PCDHA1: variants seen among roughly 807,000 people sequenced by gnomAD.
PCDHA1 encodes protocadherin alpha 1, also known as protocadherin alpha-1.
PCDHA1 carries 42 observed loss-of-function variants against 61.3 expected under a neutral mutation model. The ratio of observed to expected loss-of-function variants is 0.69; its 90% CI spans 0.54 to 0.89. The LOEUF is 0.89. PCDHA1 is among the 40% of genes least tolerant of loss of function. PCDHA1 has a pLI of 0.00. For synonymous variants in PCDHA1, 610 were observed against 553.8 expected (o/e 1.10, Z -1.43); for missense variants, 1,256 against 1,235.3 (o/e 1.02, Z -0.25).
chr5:140,912,381 A>G (rs1554195316), intron 1 of PCDHA1, among the ~76,000 whole-genome samples: 2 of 150,140 alleles, frequency 1.3e-5, no homozygotes, highest in African/African-American at 4.9e-5. Context: ...AAAGGGATTG[A>G]GTTCTTAATT....
At chr5:140,809,680 CT>C (rs1439058866) in intron 1 of PCDHA1, 58 of 1,338,236 alleles carry the variant, frequency 4.3e-5, no homozygotes, top group Non-Finnish European at 5.4e-5. Context: ...AATTTTACCT[CT>C]TTTTACATAT....
intron 1 of PCDHA1, chr5:140,857,288 C>A (rs782208845): frequency 2.5e-6 from 4 of 1,598,652 alleles, no homozygotes; most frequent in East Asian, 4.5e-5. Context: ...CGCTCTGGAC[C>A]GCGAGAGGGT....
chr5:140,807,707 C>T (rs1562211808), intron 1 of PCDHA1: 1 of 1,614,116 alleles, frequency 6.2e-7, no homozygotes, highest in Non-Finnish European at 8.5e-7. Context: ...CAGACTGAGC[C>T]CAAATGAATA....
At chr5:140,915,189 C>T (rs782151020) in intron 1 of PCDHA1, among the ~76,000 whole-genome samples, 21 of 152,010 alleles carry the variant, frequency 1.4e-4, no homozygotes, top group African/African-American at 4.1e-4. Context: ...CCTAGTGATC[C>T]GCCCATCTTG....
intron 1 of PCDHA1, among the ~76,000 whole-genome samples, chr5:140,921,791 A>G (rs1170709759): frequency 3.9e-5 from 6 of 152,160 alleles, no homozygotes; most frequent in Non-Finnish European, 5.9e-5. Context: ...GATGTTCTAG[A>G]TAACACAAGA....
intron 1 of PCDHA1, among the ~76,000 whole-genome samples, chr5:140,917,823 G>A (rs1167187844): frequency 6.6e-5 from 10 of 151,920 alleles, no homozygotes; most frequent in African/African-American, 1.9e-4. Context: ...AAGTTGGGTA[G>A]TGTGATGTCC....
intron 1 of PCDHA1, chr5:140,871,528 T>G: frequency 2.0e-6 from 3 of 1,530,602 alleles, no homozygotes; most frequent in Non-Finnish European, 2.6e-6. Context: ...TATCAGGAAG[T>G]GTATGTGAAA....
At chr5:140,909,961 A>G (rs1407330494) in intron 1 of PCDHA1, among the ~76,000 whole-genome samples, 2 of 152,206 alleles carry the variant, frequency 1.3e-5, no homozygotes, top group Non-Finnish European at 2.9e-5. Flanking sequence ...GTAGGTCTCC[A>G]TGGGGAAGGA....
At chr5:140,891,586 A>C (rs1296110221) in intron 1 of PCDHA1, among the ~76,000 whole-genome samples, 1 of 151,924 alleles carries the variant, frequency 6.6e-6, no homozygotes, top group Non-Finnish European at 1.5e-5. Flanking sequence ...TAATCTTATT[A>C]CTCTATCCCA....
At chr5:140,868,864 A>C (rs1554162257) in intron 1 of PCDHA1, 10 of 549,766 alleles carry the variant, frequency 1.8e-5, no homozygotes, top group Non-Finnish European at 1.8e-5. Context: ...TGGTAAATGC[A>C]GTGCACAGTA....
chr5:141,009,833 G>A lies in PCDHA1; in HGVS notation c.2749G>A (p.Gly917Ser), dbSNP rs782642898. The A allele has an allele frequency of 8.7e-6, 14 of 1,613,366 alleles. No homozygotes were observed. The highest frequency in any genetic ancestry group is 2.7e-5 in the African/African-American group (2 of 74,746). ...TGACAAAAGTGACTTCATAACCTTC[G>A]GCAAAAAGGAGGAGACCAAGAAAAA... ...QIDKSDFITF[G>S]KKEETKKKKK... Residue 917 changes from glycine (G) to serine (S), a missense_variant, in exon 4 of 4, where the codon GGC (glycine) becomes AGC (serine). Physicochemically the swap from Gly to Ser is moderately conservative, Grantham distance 56 (BLOSUM62 0). Coordinates refer to ENST00000504120, the MANE Select transcript of PCDHA1 (RefSeq NM_018900.4).
chr5:140,875,874 A>G (rs782173743), intron 1 of PCDHA1: 2 of 1,614,188 alleles, frequency 1.2e-6, no homozygotes, highest in East Asian at 4.5e-5. Context: ...CGGTGTTCAG[A>G]GAAAGGGAAC....
intron 1 of PCDHA1, among the ~76,000 whole-genome samples, chr5:140,838,217 A>C (rs1332894700): frequency 6.7e-6 from 1 of 150,262 alleles, no homozygotes; most frequent in Non-Finnish European, 1.5e-5. Context: ...TGGTACAAGC[A>C]GTTCTCATGC....
intron 1 of PCDHA1, chr5:140,808,253 T>C: frequency 1.2e-6 from 2 of 1,614,254 alleles, no homozygotes; most frequent in South Asian, 1.1e-5. Context: ...CAAGTCTTTA[T>C]CACTTCCAAT....
chr5:140,839,671 C>G (rs1194956449), intron 1 of PCDHA1, among the ~76,000 whole-genome samples: 1 of 152,028 alleles, frequency 6.6e-6, no homozygotes, highest in African/African-American at 2.4e-5. Context: ...TATTTAGAGT[C>G]AACTACAGAG....
At chr5:140,835,876 G>T in intron 1 of PCDHA1, 3 of 1,611,976 alleles carry the variant, frequency 1.9e-6, no homozygotes, top group Non-Finnish European at 2.5e-6. Flanking sequence ...GTGGAGCTGC[G>T]GGTGGGCGAG....
intron 1 of PCDHA1, among the ~76,000 whole-genome samples, chr5:140,951,992 A>G (rs1469467629): frequency 6.6e-6 from 1 of 152,212 alleles, no homozygotes; most frequent in Non-Finnish European, 1.5e-5. Flanking sequence ...AAAACCAGCC[A>G]AAAGAAAGAA....
intron 1 of PCDHA1, among the ~76,000 whole-genome samples, chr5:140,798,302 T>C (rs1443836025): frequency 6.6e-6 from 1 of 152,244 alleles, no homozygotes; most frequent in Non-Finnish European, 1.5e-5. Context: ...ATGTTTTTTA[T>C]AAGTAAAATA....
intron 1 of PCDHA1, chr5:140,928,280 C>T (rs781831365): frequency 6.2e-7 from 1 of 1,614,076 alleles, no homozygotes; most frequent in African/African-American, 1.3e-5. Context: ...CCTGGGGCCT[C>T]TCTAGGCCGA....
Sources: allele counts gnomAD v4.1 joint callset (sites outside exome capture counted in the v4.1 genomes callset), GRCh38; gene constraint gnomAD v4.1.1; transcripts MANE v1.5; gene names NCBI Gene and HGNC (gene_info 2026-07-23, HGNC 2026-07-21).